The following TSHR variants were observed in gnomAD, a reference collection of about 807,000 sequenced individuals.
TSHR encodes the protein thyrotropin receptor.
A neutral mutation model predicts 64.1 loss-of-function variants in TSHR; 51 were observed. The ratio of observed to expected loss-of-function variants is 0.80; its 90% confidence interval spans 0.64 to 1.01. The LOEUF is 1.01. Ranked by LOEUF, TSHR falls within the 50% of genes least tolerant of loss-of-function variation. The pLI is 0.00. For missense variants in TSHR, 877 were observed against 942.8 expected (o/e 0.93, Z 0.91); for synonymous variants, 361 against 361.9 (o/e 1.00, Z 0.03).
At chr14:80,990,685 G>A (rs930804622) in intron 1 of TSHR, among the ~76,000 whole-genome samples, 27 of 151,424 alleles carry the variant, frequency 1.8e-4, no homozygotes, top group African/African-American at 5.1e-4. Context: ...ACGGAGTTTC[G>A]CTCTTGTTGC....
intron 1 of TSHR, chr14:80,982,712 GCCCT>G: frequency 1.2e-6 from 1 of 867,776 alleles, no homozygotes; most frequent in Non-Finnish European, 1.7e-6. Flanking sequence ...TCTAAGGCAA[GCCCT>G]CCTTCATATA....
At chr14:80,999,621 AT>A (rs946555597) in intron 1 of TSHR, among the ~76,000 whole-genome samples, 2 of 152,082 alleles carry the variant, frequency 1.3e-5, no homozygotes, top group Admixed American at 6.6e-5. Context: ...CTAAAAGTGG[AT>A]TTTTTTCCAT....
At chr14:81,027,364 A>G (rs1240491562) in intron 1 of TSHR, among the ~76,000 whole-genome samples, 2 of 152,186 alleles carry the variant, frequency 1.3e-5, no homozygotes, top group African/African-American at 2.4e-5. Flanking sequence ...ATTAAAGGAC[A>G]CACAATATTC....
intron 1 of TSHR, among the ~76,000 whole-genome samples, chr14:80,968,241 GA>G (rs1031456422): frequency 1.3e-5 from 2 of 152,180 alleles, no homozygotes; most frequent in African/African-American, 4.8e-5. Flanking sequence ...CAAGCTGAGA[GA>G]ATCTAAAATG....
intron 6 of TSHR, among the ~76,000 whole-genome samples, chr14:81,095,806 C>T (rs556529133): frequency 5.9e-5 from 9 of 152,128 alleles, no homozygotes; most frequent in East Asian, 1.9e-4. Flanking sequence ...CCCAGTGTTT[C>T]GGGAGGCTGA....
rs145707128 is a variant in TSHR, at chr14:80,973,332, G to C, written c.170+17482G>C. ...AGGCAGGAGAATGGCGTGAACCCCG[G>C]GGGGCGGAGCCTGCAGTGAGCCGAG... is the stretch of plus-strand genomic sequence containing the variant. On this transcript the variant is annotated intron_variant, in intron 1 of 9. Coordinates refer to ENST00000298171, the MANE Select transcript of TSHR (RefSeq NM_000369.5). 8.3e-3 allele frequency among the ~76,000 whole-genome samples: 1,226 copies of C among 147,256 alleles called. 22 individuals carry two copies. Among genetic ancestry groups the C allele is most frequent in the African/African-American group, 0.028 (1,151 of 40,484 alleles).
intron 1 of TSHR, among the ~76,000 whole-genome samples, chr14:81,041,608 C>A (rs1884927250): frequency 6.6e-6 from 1 of 152,120 alleles, no homozygotes; most frequent in African/African-American, 2.4e-5. Context: ...ATCTGTACAA[C>A]AAACCCCCAG....
At chr14:81,084,210 CAACAAAGA>C (rs1888117107) in intron 3 of TSHR, among the ~76,000 whole-genome samples, 1 of 152,088 alleles carries the variant, frequency 6.6e-6, no homozygotes. Flanking sequence ...CATATTTCCC[CAACAAAGA>C]AAAAGAGCCT....
At chr14:81,123,583 T>G (rs908759224) in intron 8 of TSHR, among the ~76,000 whole-genome samples, 1 of 152,314 alleles carries the variant, frequency 6.6e-6, no homozygotes, top group South Asian at 2.1e-4. Flanking sequence ...GTAAACTCCA[T>G]CTAAAGAAAA....
In TSHR at chr14:81,143,316, G is replaced by T; in HGVS notation, c.1258G>T (p.Val420Leu). The change falls in exon 10 of 10, where the codon GTG (valine) becomes TTG (leucine). Residue 420 changes from valine to leucine, a missense_variant. Physicochemically the swap from Val to Leu is conservative, Grantham distance 32. Transcript: ENST00000298171. ...AATGGGCTACAAGTTCCTGAGAATT[G>T]TGGTGTGGTTCGTTAGTCTGCTGGC... ...DIMGYKFLRI[V>L]VWFVSLLALL... is the part of the protein sequence containing the mutation. 6.2e-7 allele frequency: 1 copy of T among 1,614,172 alleles called. No individual in the cohort carries two copies. The highest frequency in any genetic ancestry group is 8.5e-7 in the Non-Finnish European group (1 of 1,180,042).
At chr14:81,053,089 C>T (rs1885526839) in intron 1 of TSHR, 1 of 152,112 alleles carries the variant, frequency 6.6e-6, no homozygotes, top group Admixed American at 6.6e-5. Flanking sequence ...GTTGAAAGTC[C>T]TGAGAACCAA....
chr14:81,093,235 A>G (rs752882917), intron 6 of TSHR, among the ~76,000 whole-genome samples: 13 of 152,268 alleles, frequency 8.5e-5, no homozygotes, highest in Admixed American at 2.0e-4. Context: ...GTGCTGCTAT[A>G]GGTCAGCATT....
Position 81,139,867 on chromosome 14 carries a change from G to A in TSHR, c.881G>A (p.Gly294Glu), listed in dbSNP as rs780238076. The change falls in exon 9 of 10, where the codon GGA becomes GAA. Residue 294 changes from glycine (G) to glutamate (E), a missense_variant and splice_region_variant. Gly to Glu is a moderately conservative substitution (Grantham distance 98). Transcript: ENST00000298171. ...CAFKNQKKIRGILESLMCNES... is the reference protein window; with the variant it reads ...CAFKNQKKIREILESLMCNES... ...TTTAAGAATCAGAAGAAAATCAGAG[G>A]GTAAGTGGCAGGGACCCGGCATAAG... 8 of 1,614,044 alleles carry A rather than the reference G, an allele frequency of 5.0e-6. No individual in the cohort carries two copies. In the African/African-American group the frequency reaches 5.3e-5, roughly 11 times the overall value.
intron 1 of TSHR, among the ~76,000 whole-genome samples, chr14:80,987,752 T>C (rs1051641024): frequency 1.3e-5 from 2 of 152,178 alleles, no homozygotes; most frequent in African/African-American, 4.8e-5. Flanking sequence ...TGTTTCTTCA[T>C]CATCTATTTA....
At chr14:81,044,107 G>T (rs1885051106) in intron 1 of TSHR, among the ~76,000 whole-genome samples, 1 of 152,182 alleles carries the variant, frequency 6.6e-6, no homozygotes, top group Non-Finnish European at 1.5e-5. Flanking sequence ...AAAGTAAAGA[G>T]CTTCTGCACA....
chr14:81,001,477 C>T (rs1889314540), intron 1 of TSHR: 3 of 510,134 alleles, frequency 5.9e-6, no homozygotes, highest in Non-Finnish European at 1.2e-5. Flanking sequence ...TGAGAATCTA[C>T]ATCTACACCC....
intron 1 of TSHR, among the ~76,000 whole-genome samples, chr14:80,969,110 C>G (rs1039358027): frequency 6.6e-6 from 1 of 152,168 alleles, no homozygotes; most frequent in Non-Finnish European, 1.5e-5. Context: ...CATATGTTGG[C>G]TATTGATTCA....
intron 7 of TSHR, chr14:81,104,291 G>A: frequency 1.0e-6 from 1 of 985,396 alleles, no homozygotes; most frequent in African/African-American, 1.7e-5. Flanking sequence ...CAACGCTGTG[G>A]GAGGAAAACA....
At chr14:81,092,441 C>T in intron 5 of TSHR, 90 bp from the exon 6 acceptor site, 1 of 1,121,404 alleles carries the variant, frequency 8.9e-7, no homozygotes, top group Non-Finnish European at 1.4e-6. Flanking sequence ...TATATTGTGT[C>T]CTGTTATTTA....
Sources: allele counts gnomAD v4.1 joint callset (sites outside exome capture counted in the v4.1 genomes callset), GRCh38; gene constraint gnomAD v4.1.1; transcripts MANE v1.5; gene names NCBI Gene and HGNC (gene_info 2026-07-23, HGNC 2026-07-21).